Variants in MDN1 observed in about 807,000 individuals in gnomAD.
The protein encoded by MDN1 is midasin.
A neutral mutation model predicts 669.2 loss-of-function variants in MDN1; 266 were observed. That is an observed-to-expected ratio of 0.40 (90% confidence interval 0.36 to 0.44). MDN1 has a LOEUF of 0.44. Among genes scored for constraint, MDN1 ranks in the 20% least tolerant of loss-of-function variants. The pLI is 1.00. For synonymous variants in MDN1, 2,385 were observed against 2,457.1 expected (o/e 0.97, Z 0.87); for missense variants, 5,940 against 6,754.0 (o/e 0.88, Z 4.22).
rs1292244597 is a variant in MDN1 at position 89,803,419 on chromosome 6, T to C, written c.238A>G (p.Ile80Val). Residue 80 changes from isoleucine to valine, a missense_variant, in exon 2 of 102, where the codon ATT (isoleucine) becomes GTT (valine). Ile to Val is a conservative substitution (Grantham distance 29). Transcript: ENST00000369393. ...LDLLERNAEAIKAGGQINHDL... is the reference protein window; with the variant it reads ...LDLLERNAEAVKAGGQINHDL... Reference sequence around the variant, plus strand: ...TGGTTGATTTGGCCTCCAGCTTTAATGGCTTCGGCATTCCTTTCCAGCAAA... The same window carrying C: ...TGGTTGATTTGGCCTCCAGCTTTAACGGCTTCGGCATTCCTTTCCAGCAAA... 6 of 1,614,164 alleles carry C rather than the reference T, an allele frequency of 3.7e-6. No homozygotes were observed. The highest frequency in any genetic ancestry group is 4.2e-6 in the Non-Finnish European group (5 of 1,180,036).
intron 40 of MDN1, 109 bp downstream of exon 40, chr6:89,722,846 C>CAAA (rs34376900): frequency 1.0e-4 from 70 of 691,736 alleles, no homozygotes; most frequent in African/African-American, 3.2e-4. Context: ...AACCCAGTCT[C>CAAA]AAAAAAAAAA....
chr6:89,804,836 C>T (rs1027881054), intron 1 of MDN1, among the ~76,000 whole-genome samples: 3 of 151,884 alleles, frequency 2.0e-5, no homozygotes, highest in African/African-American at 7.3e-5. Context: ...TCGAGACCAT[C>T]CTGGCTTGTA....
chr6:89,674,144 T>C lies in MDN1; in HGVS notation c.13207A>G (p.Lys4403Glu). 1 of 1,614,206 alleles carries C rather than the reference T, an allele frequency of 6.2e-7. No homozygotes were observed. Among genetic ancestry groups the C allele is most frequent in the East Asian group, 2.2e-5 (1 of 44,882 alleles). ...GTCTCACAAGACTGCTGTCTAATTT[T>C]GTCGACGTCAGCTTTCACTGTTTTA... ...TIKTVKADVD[K>E]IRQQSCETLF... The change falls in exon 79 of 102, where the codon AAA (lysine) becomes GAA (glutamate). Residue 4403 changes from lysine to glutamate, a missense_variant. Physicochemically the swap from Lys to Glu is moderately conservative, Grantham distance 56. Around this residue, in one of 5 missense-constraint regions of MDN1, gnomAD observed 2,280 missense variants for 2,576.3 expected, o/e 0.88. Coordinates refer to ENST00000369393, the MANE Select transcript of MDN1 (RefSeq NM_014611.3).
chr6:89,719,098 A>G, intron 41 of MDN1, 38 bp downstream of exon 41: 1 of 1,612,550 alleles, frequency 6.2e-7, no homozygotes, highest in African/African-American at 1.3e-5. Flanking sequence ...AACCATTAAA[A>G]AATGTCAAAG....
chr6:89,714,545 A>G lies in MDN1; in HGVS notation c.7067T>C (p.Val2356Ala), dbSNP rs1400854489. 1 of 1,600,290 alleles carries G rather than the reference A, an allele frequency of 6.2e-7. No homozygotes were observed. Among genetic ancestry groups the G allele is most frequent in the East Asian group, 2.2e-5 (1 of 44,714 alleles). Reference protein sequence around the residue: ...ALHTETRSTVVGSPTSSVSTL... With the variant: ...ALHTETRSTVAGSPTSSVSTL... ...GGCCCAAAAGTCAAGCACCTCACCT[A>G]CAACAGTGCTCCGGGTCTCTGTGTG... Residue 2356 changes from valine (V) to alanine (A), a missense_variant and splice_region_variant, in exon 46 of 102, where the codon GTA (valine) becomes GCA (alanine). By Grantham distance (64) the Val-to-Ala change is moderately conservative. Coordinates refer to ENST00000369393, the MANE Select transcript of MDN1 (RefSeq NM_014611.3).
At chr6:89,736,737 T>C (rs1403416798) in intron 33 of MDN1, among the ~76,000 whole-genome samples, 4 of 152,226 alleles carry the variant, frequency 2.6e-5, no homozygotes, top group Admixed American at 2.0e-4. Flanking sequence ...AAGGCCGCTG[T>C]GAGCCGTGAT....
rs1286623480 is a variant in MDN1 at position 89,662,103 on chromosome 6, T to C, written c.14549A>G (p.Asn4850Ser). The C allele has an allele frequency of 1.2e-6, 2 of 1,611,908 alleles. No individual in the cohort carries two copies. The highest frequency in any genetic ancestry group is 1.3e-5 in the African/African-American group (1 of 74,644). ...CTTCATTACCTCATCTATTTGTTCA[T>C]TAATTTTGTCTTCACCTTGTCCACC... is the stretch of plus-strand genomic sequence containing the variant. Reference protein sequence around the residue: ...DDGGQGEDKINEQIDERDYDE... With the variant: ...DDGGQGEDKISEQIDERDYDE... The change falls in exon 87 of 102, where the codon AAT (asparagine) becomes AGT (serine). Residue 4850 changes from asparagine (N) to serine (S), a missense_variant. Asn to Ser is a conservative substitution (Grantham distance 46). Coordinates refer to ENST00000369393, the MANE Select transcript of MDN1 (RefSeq NM_014611.3).
chr6:89,670,152 A>ATTTTTTTT, intron 83 of MDN1, among the ~76,000 whole-genome samples: 1 of 21,308 alleles, frequency 4.7e-5, no homozygotes, highest in East Asian at 6.2e-3. Flanking sequence ...ATATATATAT[A>ATTTTTTTT]TATATATATA....
chr6:89,768,688 G>A (rs958047130), intron 15 of MDN1, among the ~76,000 whole-genome samples: 1 of 152,052 alleles, frequency 6.6e-6, no homozygotes, highest in Admixed American at 6.6e-5. Context: ...AGCAAACTAT[G>A]AGGGCACCAT....
intron 43 of MDN1, 76 bp from the exon 44 acceptor site, chr6:89,716,885 C>A: frequency 7.1e-7 from 1 of 1,411,286 alleles, no homozygotes; most frequent in Admixed American, 2.7e-5. Context: ...GAAAAGGAAG[C>A]TTGATACTTC....
chr6:89,768,440 C>T (rs1337558469), intron 15 of MDN1, among the ~76,000 whole-genome samples: 1 of 152,206 alleles, frequency 6.6e-6, no homozygotes, highest in Non-Finnish European at 1.5e-5. Context: ...ATTGTGAGGT[C>T]TCCCCAGCCA....
chr6:89,780,108 G>GA, intron 11 of MDN1, 104 bp downstream of exon 11: 1 of 627,202 alleles, frequency 1.6e-6, no homozygotes, highest in Non-Finnish European at 2.7e-6. Flanking sequence ...ACCATACTTG[G>GA]AAAAAAGAAA....
At chr6:89,657,979 C>T (rs535293064) in intron 90 of MDN1, among the ~76,000 whole-genome samples, 4 of 152,232 alleles carry the variant, frequency 2.6e-5, no homozygotes, top group South Asian at 4.1e-4. Context: ...CGCACAATGA[C>T]GAAATTGCTG....
intron 19 of MDN1, 77 bp downstream of exon 19, chr6:89,758,178 G>C (rs1020419120): frequency 8.7e-7 from 1 of 1,154,192 alleles, no homozygotes; most frequent in Non-Finnish European, 1.3e-6. Flanking sequence ...CCAAGATCAC[G>C]CCACTGCACT....
rs1181014339 is a variant in MDN1, at chr6:89,716,653, C to G, written c.6740G>C (p.Cys2247Ser). ...DWLLMDNVNF[C>S]NPSVLDRLNA... ...TGATTAGGCATAAGGTTCTTACTTG[C>G]AGAAGTTAACATTGTCCATCAGAAG... Residue 2247 changes from cysteine to serine, a missense_variant, in exon 44 of 102, where the codon TGC (cysteine) becomes TCC (serine). Transcript: ENST00000369393. The G allele has an allele frequency of 6.2e-7, 1 of 1,608,708 alleles. No homozygotes were observed. The highest frequency in any genetic ancestry group is 8.5e-7 in the Non-Finnish European group (1 of 1,178,406).
At chr6:89,793,369 C>T (rs947049869) in intron 5 of MDN1, among the ~76,000 whole-genome samples, 4 of 152,156 alleles carry the variant, frequency 2.6e-5, no homozygotes, top group Admixed American at 6.5e-5. Context: ...GGAACAGCTC[C>T]GCGCAAGTTA....
At chr6:89,687,504 G>A in intron 67 of MDN1, 66 bp from the exon 68 acceptor site, 1 of 1,389,870 alleles carries the variant, frequency 7.2e-7, no homozygotes. Flanking sequence ...CCTTCCTCAA[G>A]AACATCTTGA....
intron 40 of MDN1, among the ~76,000 whole-genome samples, chr6:89,720,577 T>C (rs1388562662): frequency 6.6e-6 from 1 of 152,128 alleles, no homozygotes; most frequent in Non-Finnish European, 1.5e-5. Context: ...TAACCTTGAA[T>C]TGGAAGAGTG....
chr6:89,787,665 G>A (rs1584371767), intron 8 of MDN1, among the ~76,000 whole-genome samples, 189 bp downstream of exon 8: 1 of 151,770 alleles, frequency 6.6e-6, no homozygotes, highest in East Asian at 1.9e-4. Flanking sequence ...AGTCGGGGGG[G>A]GGACCTCTTA....
Sources: gnomAD v4.1 joint callset for allele counts (sites outside exome capture counted in the v4.1 genomes callset) on GRCh38, gnomAD v4.1.1 for gene constraint, gnomAD v4.1.1 regional missense constraint, MANE v1.5 for transcripts, NCBI Gene and HGNC (gene_info 2026-07-23, HGNC 2026-07-21) for gene names.